MACF1: variants seen among roughly 807,000 people sequenced by gnomAD.
MACF1 encodes the protein microtubule actin crosslinking factor 1, also known as microtubule-actin cross-linking factor 1.
A neutral mutation model predicts 854.8 loss-of-function variants in MACF1; 193 were observed. The observed-to-expected ratio is 0.23, with a 90% CI of 0.20 to 0.25. The LOEUF is 0.25. MACF1 is among the 10% of genes least tolerant of loss of function. The pLI is 1.00. For missense variants in MACF1, 7,722 were observed against 8,929.1 expected, an observed-to-expected ratio of 0.86 and a Z score of 5.45; for synonymous variants, 3,185 against 3,226.7, an observed-to-expected ratio of 0.99 and a Z score of 0.44.
At chr1:39,302,073 G>C (rs753890299) in intron 22 of MACF1, among the ~76,000 whole-genome samples, 2 of 152,048 alleles carry the variant, frequency 1.3e-5, no homozygotes, top group Non-Finnish European at 2.9e-5. Context: ...ATGGCTTACT[G>C]CAGCCTTGAC....
At chr1:39,374,956 A>G (rs922094204) in intron 52 of MACF1, among the ~76,000 whole-genome samples, 1 of 151,964 alleles carries the variant, frequency 6.6e-6, no homozygotes, top group Non-Finnish European at 1.5e-5. Flanking sequence ...TAAAAATACA[A>G]AAAGTTAGCC....
intron 1 of MACF1, among the ~76,000 whole-genome samples, chr1:39,217,490 G>A (rs1182795555): frequency 6.6e-6 from 1 of 151,576 alleles, no homozygotes; most frequent in Non-Finnish European, 1.5e-5. Context: ...GCCTTGGCTG[G>A]TCTTGAGTTC....
Position 39,428,573 on chromosome 1 carries a change from G to C in MACF1, c.16803+286G>C, listed in dbSNP as rs552703625. Among the ~76,000 whole-genome samples, 37 of 152,076 alleles carry C rather than the reference G, an allele frequency of 2.4e-4. No homozygotes were observed. The South Asian group carries it at 7.3e-3, about 30-fold the overall frequency. ...TCATGATTTACATTATTAGGTGATG[G>C]GTCACTAAGATTCTATTTGAGCAGT... On this transcript the variant is annotated intron_variant, in intron 63 of 100. Transcript: ENST00000564288.
chr1:39,409,484 G>C lies in MACF1; in HGVS notation c.15817-12890G>C, dbSNP rs1277638955. On this transcript the variant is annotated intron_variant, in intron 58 of 100. Transcript: ENST00000564288. This position sits in a 1 kb window ranked among gnomAD's most constrained non-coding sequence, Gnocchi z 4.2. ...CGCGGGGAAGCGGGCCGTGCTGAGCGAGCCCCTCCGACAGACCCGCGGCCG... is the reference window on the plus strand; with the variant it reads ...CGCGGGGAAGCGGGCCGTGCTGAGCCAGCCCCTCCGACAGACCCGCGGCCG... 6.6e-6 allele frequency: 1 copy of C among 152,234 alleles called. No homozygotes were observed. Among genetic ancestry groups the C allele is most frequent in the Admixed American group, 6.5e-5 (1 of 15,276 alleles). The allele number at this position is 152,234 out of a possible 1,614,324, so 9.4% of individuals were successfully genotyped here. A position where few individuals can be genotyped will look rare whatever the true frequency, so the allele number is the denominator to read the frequency against.
At chr1:39,185,087 C>T (rs1332869265) in intron 2 of MACF1, among the ~76,000 whole-genome samples, 1 of 151,628 alleles carries the variant, frequency 6.6e-6, no homozygotes, top group Admixed American at 6.6e-5. Flanking sequence ...GTCAGGAGAT[C>T]GAGACCATCC....
chr1:39,373,441 T>A (rs989179583), intron 52 of MACF1: 3 of 127,762 alleles, frequency 2.3e-5, no homozygotes, highest in Non-Finnish European at 4.6e-5. Context: ...CACTCCAGCC[T>A]GGGCAACAGA....
intron 2 of MACF1, among the ~76,000 whole-genome samples, chr1:39,193,162 G>A (rs1377668199): frequency 2.0e-5 from 3 of 151,680 alleles, no homozygotes; most frequent in Admixed American, 6.6e-5. Context: ...ACAATCCTGG[G>A]CAAGATTCTG....
chr1:39,223,278 T>C (rs1644675524), intron 1 of MACF1, among the ~76,000 whole-genome samples: 1 of 152,210 alleles, frequency 6.6e-6, no homozygotes, highest in African/African-American at 2.4e-5. Flanking sequence ...TCCATCATAA[T>C]GGATCTTAGC....
chr1:39,099,414 C>T (rs1186319820), intron 2 of MACF1, among the ~76,000 whole-genome samples: 2 of 152,186 alleles, frequency 1.3e-5, no homozygotes, highest in Non-Finnish European at 2.9e-5. Flanking sequence ...GCCCTGGCCT[C>T]CCAAAGTGCT....
In MACF1 at chr1:39,332,565, A is replaced by G. The variant is rs770637578; in HGVS notation, c.5977A>G (p.Thr1993Ala). The G allele has an allele frequency of 4.0e-5, 64 of 1,614,036 alleles. No individual in the cohort carries two copies. The highest frequency in any genetic ancestry group is 4.3e-5 in the Non-Finnish European group (51 of 1,180,034). Residue 1993 changes from threonine (T) to alanine (A), a missense_variant, in exon 37 of 101, where the codon ACA becomes GCA. Thr to Ala is a moderately conservative substitution (Grantham distance 58). Coordinates refer to ENST00000564288, the MANE Select transcript of MACF1 (RefSeq NM_001394062.1). ...AGATAAAGAGCTGATGGAGACACTA[A>G]CATCCAGAGATGAGTATCAAACAAG... ...LLDKELMETL[T>A]SRDEYQTSPP...
chr1:39,310,126 A>C, intron 24 of MACF1, 119 bp from the exon 25 acceptor site: 2 of 817,246 alleles, frequency 2.4e-6, no homozygotes, highest in Non-Finnish European at 3.8e-6. Flanking sequence ...AAAAATCAAC[A>C]TGTTTACGAT....
chr1:39,233,010 G>T (rs893177430), intron 2 of MACF1, among the ~76,000 whole-genome samples: 9 of 117,158 alleles, frequency 7.7e-5, no homozygotes, highest in South Asian at 6.9e-4. Flanking sequence ...TCTTGTTTTT[G>T]TTGTTGTTGT....
intron 2 of MACF1, among the ~76,000 whole-genome samples, chr1:39,178,889 T>C (rs1644067781): frequency 6.6e-6 from 1 of 152,254 alleles, no homozygotes; most frequent in African/African-American, 2.4e-5. Context: ...TGAAAGTTTC[T>C]TTCTGCTTTA....
chr1:39,285,246 T>C, intron 12 of MACF1, 36 bp downstream of exon 12: 1 of 1,614,200 alleles, frequency 6.2e-7, no homozygotes, highest in Non-Finnish European at 8.5e-7. Flanking sequence ...TGACATTATT[T>C]ATTGAGCTGC....
Position 39,331,790 on chromosome 1 carries a change from A to G in MACF1, c.5202A>G (p.Ala1734=). 1 of 1,614,144 alleles carries G rather than the reference A, an allele frequency of 6.2e-7. No individual in the cohort carries two copies. The highest frequency in any genetic ancestry group is 8.5e-7 in the Non-Finnish European group (1 of 1,180,024). The change falls in exon 37 of 101, where the codon GCA becomes GCG. Residue 1734 remains alanine, a synonymous_variant. Coordinates refer to ENST00000564288, the MANE Select transcript of MACF1 (RefSeq NM_001394062.1). ...GFKLLPVKQL[A]GGMVSLKSGR... The stretch of plus-strand genomic sequence containing the variant: ...AATTACTGCCTGTCAAACAATTGGC[A>G]GGGGGGATGGTGAGCTTGAAATCAG...
Position 39,332,035 on chromosome 1 carries a change from CTG to C in MACF1, c.5449_5450del (p.Val1817HisfsTer9), listed in dbSNP as rs778297334. On this transcript the variant is annotated frameshift_variant, in exon 37 of 101. Coordinates refer to ENST00000564288, the MANE Select transcript of MACF1 (RefSeq NM_001394062.1). LOFTEE classifies it high-confidence loss of function. ...CTTCAGACAGGAGGCATCATAGACA[CTG>C]TCACGGGGCAAAGGCTAACAATAGA... is the stretch of plus-strand genomic sequence containing the variant. 1 of 1,613,984 alleles carries C rather than the reference CTG, an allele frequency of 6.2e-7. No individual in the cohort carries two copies. Among genetic ancestry groups the C allele is most frequent in the Non-Finnish European group, 8.5e-7 (1 of 1,179,994 alleles).
intron 6 of MACF1, among the ~76,000 whole-genome samples, chr1:39,266,867 C>G (rs1645238855): frequency 6.6e-6 from 1 of 152,124 alleles, no homozygotes; most frequent in Non-Finnish European, 1.5e-5. Flanking sequence ...ACTGACATCA[C>G]AAGGTGATTT....
rs1420716221 is a variant in MACF1, at chr1:39,117,658, A to G, written c.220+33220A>G. Among the ~76,000 whole-genome samples the G allele has an allele frequency of 2.6e-5, 4 of 151,844 alleles. 1 individual carries two copies. Among genetic ancestry groups the G allele is most frequent in the African/African-American group, 4.8e-5 (2 of 41,320 alleles). Reference sequence around the variant, plus strand: ...TTTGTGTATACAGACTTCCTCTACTATTGTTATCACCATCAGCAAAAATGT... The same window carrying G: ...TTTGTGTATACAGACTTCCTCTACTGTTGTTATCACCATCAGCAAAAATGT... On this transcript the variant is annotated intron_variant, in intron 2 of 93. Coordinates refer to the MACF1 transcript ENST00000361689.
intron 72 of MACF1, among the ~76,000 whole-genome samples, chr1:39,440,111 CT>C (rs774399403): frequency 7.0e-4 from 45 of 64,516 alleles, no homozygotes; most frequent in Admixed American, 2.6e-3. Flanking sequence ...CTTTTCTTTT[CT>C]TTTTTTTTTT....
Sources: allele counts gnomAD v4.1 joint callset (sites outside exome capture counted in the v4.1 genomes callset), GRCh38; gene constraint gnomAD v4.1.1; non-coding constraint Gnocchi (gnomAD v3.1); transcripts MANE v1.5; gene names NCBI Gene and HGNC (gene_info 2026-07-23, HGNC 2026-07-21).